PAPPA2: variants seen among roughly 807,000 people sequenced by gnomAD.
PAPPA2 encodes pappalysin-2.
A neutral mutation model predicts 176.4 loss-of-function variants in PAPPA2; 86 were observed. That is an observed-to-expected ratio of 0.49 (90% confidence interval 0.41 to 0.58). The LOEUF (loss-of-function observed/expected upper bound fraction) is 0.58, where lower values mean the gene tolerates loss of function less well. PAPPA2 is among the 20% of genes least tolerant of loss of function. The probability of loss-of-function intolerance (pLI) is 0.00; values close to 1 mark genes in which losing one functional copy is unlikely to be tolerated. For missense variants in PAPPA2, 2,073 were observed against 2,256.9 expected (o/e 0.92, Z 1.65); for synonymous variants, 809 against 852.2 (o/e 0.95, Z 0.88).
intron 3 of PAPPA2, among the ~76,000 whole-genome samples, chr1:176,602,263 G>C (rs890451357): frequency 2.6e-5 from 4 of 152,112 alleles, no homozygotes; most frequent in Non-Finnish European, 5.9e-5. Context: ...CGAGGGCGGA[G>C]GACTCTTATA....
intron 2 of PAPPA2, among the ~76,000 whole-genome samples, chr1:176,565,353 A>T (rs1651904006): frequency 6.6e-6 from 1 of 152,168 alleles, no homozygotes; most frequent in African/African-American, 2.4e-5. Flanking sequence ...ACAATTTAGT[A>T]ATCCTCATGA....
chr1:176,582,730 T>C (rs755640331), intron 2 of PAPPA2, among the ~76,000 whole-genome samples: 1 of 152,202 alleles, frequency 6.6e-6, no homozygotes, highest in Non-Finnish European at 1.5e-5. Context: ...TTTTTTGCTG[T>C]ATCCTTGTCT....
intron 1 of PAPPA2, among the ~76,000 whole-genome samples, chr1:176,510,850 T>G: frequency 1.1e-5 from 1 of 93,924 alleles, no homozygotes; most frequent in African/African-American, 5.1e-5. Flanking sequence ...CACACACACA[T>G]ACCCCAAAAA....
At chr1:176,572,770 C>T (rs1360169290) in intron 2 of PAPPA2, among the ~76,000 whole-genome samples, 3 of 152,162 alleles carry the variant, frequency 2.0e-5, no homozygotes, top group African/African-American at 4.8e-5. Context: ...GACATGTGAA[C>T]GTCTAACTTT....
intron 3 of PAPPA2, among the ~76,000 whole-genome samples, chr1:176,614,173 A>T (rs541878194): frequency 1.3e-5 from 2 of 152,312 alleles, no homozygotes; most frequent in East Asian, 3.9e-4. Flanking sequence ...AAGCAGTTGG[A>T]TAGTGAAGGG....
At chr1:176,720,699 A>T (rs1661576961) in intron 12 of PAPPA2, among the ~76,000 whole-genome samples, 1 of 152,160 alleles carries the variant, frequency 6.6e-6, no homozygotes, top group Non-Finnish European at 1.5e-5. Flanking sequence ...TAGGGAGGGC[A>T]ATTGGTTCAC....
intron 7 of PAPPA2, among the ~76,000 whole-genome samples, chr1:176,698,797 A>G (rs1424024711): frequency 1.3e-5 from 2 of 152,200 alleles, no homozygotes; most frequent in African/African-American, 2.4e-5. Flanking sequence ...GTTTAAGGAC[A>G]TGACTTCTCT....
intron 3 of PAPPA2, among the ~76,000 whole-genome samples, chr1:176,603,758 TC>T (rs1191217342): frequency 6.6e-6 from 1 of 152,190 alleles, no homozygotes; most frequent in Non-Finnish European, 1.5e-5. Context: ...GTCCCCATCT[TC>T]ACTCATCTGG....
intron 12 of PAPPA2, among the ~76,000 whole-genome samples, chr1:176,733,492 C>T (rs1662257291): frequency 6.6e-6 from 1 of 152,118 alleles, no homozygotes; most frequent in Non-Finnish European, 1.5e-5. Flanking sequence ...TCCCTCTTTC[C>T]TGTTTCATTG....
chr1:176,537,757 T>TGTAC (rs1650147260), intron 1 of PAPPA2, among the ~76,000 whole-genome samples: 1 of 150,700 alleles, frequency 6.6e-6, no homozygotes. Flanking sequence ...TGTGTGTGTA[T>TGTAC]GTACGTGTGT....
intron 2 of PAPPA2, among the ~76,000 whole-genome samples, chr1:176,592,455 T>C (rs1653724157): frequency 6.6e-6 from 1 of 152,212 alleles, no homozygotes. Context: ...GAGTGGTCCA[T>C]CTTCTATTTA....
intron 3 of PAPPA2, among the ~76,000 whole-genome samples, chr1:176,658,589 A>T (rs375697308): frequency 6.6e-6 from 1 of 151,984 alleles, no homozygotes; most frequent in Non-Finnish European, 1.5e-5. Context: ...AAGAGGTGTT[A>T]TAGAAAAGAG....
rs531460822 is a variant in PAPPA2, at chr1:176,617,744, A to G, written c.1991+22149A>G. ...TTTTGCAATTGCAAATTGTGCTGCT[A>G]TAAACATGTGTGTGCAAGTGTATTT... On this transcript the variant is annotated intron_variant, in intron 3 of 22. Transcript: ENST00000367662. Among the ~76,000 whole-genome samples, 15 of 152,228 alleles carry G rather than the reference A, an allele frequency of 9.9e-5. No individual in the cohort carries two copies. The East Asian group carries it at 1.7e-3, about 18-fold the overall frequency.
chr1:176,483,226 A>G (rs1652484679), intron 1 of PAPPA2, among the ~76,000 whole-genome samples: 1 of 151,948 alleles, frequency 6.6e-6, no homozygotes, highest in Non-Finnish European at 1.5e-5. Flanking sequence ...CTGTGACTGT[A>G]TCAGTCAGCG....
At chr1:176,487,366 TG>T (rs1572959906) in intron 1 of PAPPA2, among the ~76,000 whole-genome samples, 1 of 152,186 alleles carries the variant, frequency 6.6e-6, no homozygotes, top group East Asian at 1.9e-4. Context: ...CTTCTCACTG[TG>T]GAAAACTGAC....
At chr1:176,826,082 A>G (rs1359524749) in intron 21 of PAPPA2, among the ~76,000 whole-genome samples, 1 of 152,182 alleles carries the variant, frequency 6.6e-6, no homozygotes, top group Non-Finnish European at 1.5e-5. Context: ...TAACTTCCCA[A>G]ATCTCCTGAG....
In PAPPA2 at chr1:176,491,048, G is replaced by T. The variant is rs979633809; in HGVS notation, c.-917+27630G>T. ...AAGGGCTGGTTCTCTAACTGGCTTT[G>T]CTGCCCAAAGGAGAAAGAATGAATC... On this transcript the variant is annotated intron_variant, in intron 1 of 22. Coordinates refer to ENST00000367662, the MANE Select transcript of PAPPA2 (RefSeq NM_020318.3). Among the ~76,000 whole-genome samples, 3 of 152,194 alleles carry T rather than the reference G, an allele frequency of 2.0e-5. No individual in the cohort carries two copies. In the South Asian group the frequency reaches 6.2e-4, roughly 32 times the overall value.
rs186830420 is a variant in PAPPA2, at chr1:176,699,339, C to A, written c.2986C>A (p.Leu996Met). 2 of 1,614,162 alleles carry A rather than the reference C, an allele frequency of 1.2e-6. No individual in the cohort carries two copies. The highest frequency in any genetic ancestry group is 4.5e-5 in the East Asian group (2 of 44,880). ...ILLENKESVHLGPLDTFCDIP... is the reference protein window; with the variant it reads ...ILLENKESVHMGPLDTFCDIP... Reference sequence around the variant, plus strand: ...GCTGGAAAACAAGGAGTCAGTGCACCTGGGCCCCTTAGACACTTTCTGTGA... The same window carrying A: ...GCTGGAAAACAAGGAGTCAGTGCACATGGGCCCCTTAGACACTTTCTGTGA... The change falls in exon 8 of 23, where the codon CTG becomes ATG. Residue 996 changes from leucine (L) to methionine (M), a missense_variant. Coordinates refer to ENST00000367662, the MANE Select transcript of PAPPA2 (RefSeq NM_020318.3).
In PAPPA2 at chr1:176,557,067, C is replaced by G. The variant is rs761499915; in HGVS notation, c.745C>G (p.Arg249Gly). The G allele has an allele frequency of 1.9e-6, 3 of 1,613,874 alleles. No individual in the cohort carries two copies. The highest frequency in any genetic ancestry group is 2.2e-5 in the South Asian group (2 of 91,048). ...CCAAAATGGTGGAGAGGGCTCCTAC[C>G]GAGAAGCAGAGACCTTTAACTCCCA... The part of the protein sequence containing the change: ...SNQNGGEGSY[R>G]EAETFNSQVG... The change falls in exon 2 of 23, where the codon CGA (arginine) becomes GGA (glycine). Residue 249 changes from arginine (R) to glycine (G), a missense_variant. By Grantham distance (125) the Arg-to-Gly change is moderately radical (BLOSUM62 -2). Around this residue, in one of 4 missense-constraint regions of PAPPA2, gnomAD observed 1,196 missense variants for 1,330.4 expected, o/e 0.90. Coordinates refer to ENST00000367662, the MANE Select transcript of PAPPA2 (RefSeq NM_020318.3).
Sources: gnomAD v4.1 joint callset for allele counts (sites outside exome capture counted in the v4.1 genomes callset) on GRCh38, gnomAD v4.1.1 for gene constraint, gnomAD v4.1.1 regional missense constraint, MANE v1.5 for transcripts, NCBI Gene and HGNC (gene_info 2026-07-23, HGNC 2026-07-21) for gene names.